PDZD2: variants seen among roughly 807,000 people sequenced by gnomAD.
PDZD2 encodes the protein PDZ domain containing 2, also known as PDZ domain-containing protein 2.
A neutral mutation model predicts 220.7 loss-of-function variants in PDZD2; 90 were observed. That is an observed-to-expected ratio of 0.41 (90% CI 0.34 to 0.49). PDZD2 has a LOEUF of 0.49. PDZD2 is among the 20% of genes least tolerant of loss of function. PDZD2 has a pLI of 0.28. For synonymous variants in PDZD2, 1,375 were observed against 1,450.5 expected (o/e 0.95, Z 1.18); for missense variants, 3,174 against 3,608.5 (o/e 0.88, Z 3.08).
At chr5:32,008,592 T>A (rs1283880819) in intron 5 of PDZD2, among the ~76,000 whole-genome samples, 1 of 152,092 alleles carries the variant, frequency 6.6e-6, no homozygotes, top group Non-Finnish European at 1.5e-5. Flanking sequence ...GCCAGTTGAA[T>A]CTCTTTCTAA....
At chr5:31,780,121 T>C (rs558649476) in intron 1 of PDZD2, among the ~76,000 whole-genome samples, 3 of 152,144 alleles carry the variant, frequency 2.0e-5, no homozygotes, top group African/African-American at 7.2e-5. Flanking sequence ...TGGAACTGCA[T>C]GAAATGGGAG....
chr5:31,883,023 C>CAAAAAAAAAAAAAAAAA (rs781370177), intron 2 of PDZD2, among the ~76,000 whole-genome samples: 2 of 47,960 alleles, frequency 4.2e-5, no homozygotes, highest in African/African-American at 1.5e-4. Context: ...GACTCTGTCT[C>CAAAAAAAAAAAAAAAAA]AAAAAAAAAA....
chr5:31,933,004 G>C (rs1745430021), intron 2 of PDZD2, among the ~76,000 whole-genome samples: 1 of 151,896 alleles, frequency 6.6e-6, no homozygotes, highest in South Asian at 2.1e-4. Context: ...TCTGCCTCCA[G>C]GGTTCAAGTG....
intron 21 of PDZD2, among the ~76,000 whole-genome samples, chr5:32,094,832 C>T (rs960376260): frequency 2.0e-5 from 3 of 152,114 alleles, no homozygotes; most frequent in African/African-American, 7.2e-5. Context: ...GAGCTATGAT[C>T]GTGCCAGCGC....
At chr5:31,671,318 T>C (rs897267265) in intron 1 of PDZD2, among the ~76,000 whole-genome samples, 1 of 152,136 alleles carries the variant, frequency 6.6e-6, no homozygotes, top group African/African-American at 2.4e-5. Context: ...AGATTGAAAA[T>C]AGTTCCCTGT....
chr5:31,745,957 C>G (rs1353157869), intron 1 of PDZD2, among the ~76,000 whole-genome samples: 1 of 152,036 alleles, frequency 6.6e-6, no homozygotes, highest in East Asian at 1.9e-4. Context: ...GAAACTTGAT[C>G]CATAGAGCCA....
chr5:31,936,260 G>A, intron 2 of PDZD2: 1 of 987,708 alleles, frequency 1.0e-6, no homozygotes, highest in Non-Finnish European at 1.2e-6. Flanking sequence ...GAAGGGAAGT[G>A]AAGCACAACC....
intron 2 of PDZD2, among the ~76,000 whole-genome samples, chr5:31,874,992 T>A (rs1350154057): frequency 6.6e-6 from 1 of 152,230 alleles, no homozygotes; most frequent in African/African-American, 2.4e-5. Context: ...GTTTAAATGC[T>A]ATGTACTGTT....
At chr5:31,895,689 T>A (rs570086757) in intron 2 of PDZD2, among the ~76,000 whole-genome samples, 21 of 152,150 alleles carry the variant, frequency 1.4e-4, no homozygotes, top group African/African-American at 4.8e-4. Flanking sequence ...ATATTGTAAA[T>A]CCCCTTCCTC....
intron 2 of PDZD2, among the ~76,000 whole-genome samples, chr5:31,803,523 T>A (rs1161187446): frequency 6.6e-6 from 1 of 151,938 alleles, no homozygotes; most frequent in African/African-American, 2.4e-5. Context: ...TATATGGTCC[T>A]TAGTTGTCCC....
chr5:31,703,278 A>G (rs1393523540), intron 1 of PDZD2, among the ~76,000 whole-genome samples: 1 of 152,238 alleles, frequency 6.6e-6, no homozygotes, highest in African/African-American at 2.4e-5. Context: ...CATATACACC[A>G]TAGAATACTA....
intron 2 of PDZD2, among the ~76,000 whole-genome samples, chr5:31,821,269 T>C (rs1478309506): frequency 6.8e-6 from 1 of 148,140 alleles, no homozygotes; most frequent in African/African-American, 2.5e-5. Context: ...TTAAATTTAA[T>C]GGGCATTTAT....
chr5:31,931,311 C>A (rs1270329671), intron 2 of PDZD2, among the ~76,000 whole-genome samples: 1 of 152,180 alleles, frequency 6.6e-6, no homozygotes, highest in Non-Finnish European at 1.5e-5. Flanking sequence ...GCGTACACCA[C>A]TATGCCTGGC....
intron 2 of PDZD2, among the ~76,000 whole-genome samples, chr5:31,830,350 GTA>G (rs1756504209): frequency 3.3e-5 from 3 of 91,430 alleles, no homozygotes; most frequent in African/African-American, 1.1e-4. Context: ...TTTTTTTTTT[GTA>G]TTTTTAGTAG....
chr5:31,907,449 TAACA>T (rs1434850160), intron 2 of PDZD2, among the ~76,000 whole-genome samples: 6 of 152,210 alleles, frequency 3.9e-5, no homozygotes, highest in African/African-American at 1.2e-4. Context: ...ATTAGGGCTC[TAACA>T]TGTGTATTTT....
chr5:31,848,673 C>A (rs540031446), intron 2 of PDZD2, among the ~76,000 whole-genome samples: 2 of 151,906 alleles, frequency 1.3e-5, no homozygotes, highest in East Asian at 3.9e-4. Context: ...TGCTTGAACC[C>A]GGGAGGCAGA....
At position 32,053,902 on chromosome 5, in the gene PDZD2, T is replaced by C. The variant is rs377277671; in HGVS notation, c.1900+19T>C. 2.6e-5 allele frequency: 35 copies of C among 1,327,370 alleles called. No homozygotes were observed. Among genetic ancestry groups the C allele is most frequent in the Non-Finnish European group, 3.7e-5 (34 of 918,284 alleles). The allele number at this position is 1,327,370 out of a possible 1,614,324, so 82.2% of individuals were successfully genotyped here. ...AAAGAAGGTAGGGGAAAGCCTCTTG[T>C]ATCCTCAGTGACAGTGACTTTGATC... On this transcript the variant is annotated intron_variant, in intron 10 of 24. Transcript: ENST00000438447.
intron 2 of PDZD2, among the ~76,000 whole-genome samples, chr5:31,921,568 C>T (rs1328052728): frequency 2.6e-5 from 4 of 151,942 alleles, no homozygotes; most frequent in Non-Finnish European, 4.4e-5. Flanking sequence ...TCTGCCCCTG[C>T]GGTCCCGGGT....
intron 2 of PDZD2, among the ~76,000 whole-genome samples, chr5:31,949,545 A>AT (rs1398148487): frequency 2.0e-5 from 3 of 151,750 alleles, no homozygotes; most frequent in East Asian, 1.9e-4. Context: ...TTGTTCATAT[A>AT]TTTTTTGTAT....
Sources: allele counts gnomAD v4.1 joint callset (sites outside exome capture counted in the v4.1 genomes callset), GRCh38; gene constraint gnomAD v4.1.1; transcripts MANE v1.5; gene names NCBI Gene and HGNC (gene_info 2026-07-23, HGNC 2026-07-21).